TMEM50B: variants seen among roughly 807,000 people sequenced by gnomAD.
The protein encoded by TMEM50B is HCV p7-trans-regulated protein 3.
TMEM50B carries 14 observed loss-of-function variants against 23.4 expected under a neutral mutation model. The observed-to-expected ratio is 0.60, with a 90% CI of 0.39 to 0.93. TMEM50B has a LOEUF of 0.93. Among genes scored for constraint, TMEM50B ranks in the 40% least tolerant of loss-of-function variants. The probability of loss-of-function intolerance (pLI) is 0.00; values close to 1 mark genes in which losing one functional copy is unlikely to be tolerated. For synonymous variants in TMEM50B, 64 were observed against 62.3 expected (o/e 1.03, Z -0.13); for missense variants, 159 against 193.0 (o/e 0.82, Z 1.04).
rs559499528 is a variant in TMEM50B at position 33,473,711 on chromosome 21, G to A, written c.-41-4785C>T. Reference sequence around the variant, plus strand: ...ATTCTACTCCTATCTAACTACCCAAGAGAAATGAAAATATATCTTCACAAT... The same window carrying A: ...ATTCTACTCCTATCTAACTACCCAAAAGAAATGAAAATATATCTTCACAAT... On this transcript the variant is annotated intron_variant, in intron 1 of 6. Coordinates refer to ENST00000542230, the MANE Select transcript of TMEM50B (RefSeq NM_006134.7). Among the ~76,000 whole-genome samples, 3 of 150,052 alleles carry A rather than the reference G, an allele frequency of 2.0e-5. No homozygotes were observed. The East Asian group carries it at 5.8e-4, about 29-fold the overall frequency.
In TMEM50B at chr21:33,437,969, C is replaced by CG. The variant is rs564670454; in HGVS notation, c.*2120+1244dup. 2.1e-3 allele frequency among the ~76,000 whole-genome samples: 304 copies of CG among 142,738 alleles called. 2 individuals are homozygous for CG. The highest frequency in any genetic ancestry group is 3.5e-3 in the Non-Finnish European group (232 of 66,322). 93.6% of individuals were successfully genotyped at this position (142,738 alleles called of 152,430 possible). On this transcript the variant is annotated intron_variant and NMD_transcript_variant, in intron 8 of 8. Transcript: ENST00000420455. ...CTGCACTCCAGCGTGGGAGGCAGAG[C>CG]GAGACCCTATCTCAAAAAAAAAAAA... is the stretch of plus-strand genomic sequence containing the variant.
intron 1 of TMEM50B, among the ~76,000 whole-genome samples, chr21:33,472,230 A>G (rs1195223978): frequency 6.6e-6 from 1 of 151,370 alleles, no homozygotes; most frequent in Non-Finnish European, 1.5e-5. Flanking sequence ...AAAAATACAA[A>G]AACTTAGCTG....
At chr21:33,443,976 C>T (rs145378433) in intron 7 of TMEM50B, among the ~76,000 whole-genome samples, 1,686 of 152,292 alleles carry the variant, frequency 0.011, 32 homozygotes, top group African/African-American at 0.038. Context: ...TCTTGGCTCA[C>T]TGCAACTTCC....
chr21:33,473,302 A>T (rs557096339), intron 1 of TMEM50B, among the ~76,000 whole-genome samples: 1 of 151,726 alleles, frequency 6.6e-6, no homozygotes, highest in Non-Finnish European at 1.5e-5. Flanking sequence ...AAAATACAAA[A>T]ATTATCTGGG....
At chr21:33,445,558 G>A (rs2084045938), downstream of TMEM50B, among the ~76,000 whole-genome samples, 1 of 152,260 alleles carries the variant, frequency 6.6e-6, no homozygotes, top group African/African-American at 2.4e-5. Flanking sequence ...ACTTTGGGAG[G>A]CCAAGGCTGG....
At chr21:33,457,018 G>A (rs1329126775) in intron 5 of TMEM50B, among the ~76,000 whole-genome samples, 3 of 152,178 alleles carry the variant, frequency 2.0e-5, no homozygotes, top group Admixed American at 6.5e-5. Flanking sequence ...ACTTTGGGGG[G>A]CCGAGGCGGG....
chr21:33,468,515 T>C, intron 2 of TMEM50B: 1 of 369,466 alleles, frequency 2.7e-6, no homozygotes. Context: ...ATATATGTTG[T>C]ATCAGTAAGT....
intron 6 of TMEM50B, among the ~76,000 whole-genome samples, chr21:33,452,635 T>C (rs192903198): frequency 3.3e-5 from 5 of 152,278 alleles, no homozygotes; most frequent in Non-Finnish European, 7.4e-5. Context: ...GTCCTGCCTA[T>C]AACAAAGCTT....
chr21:33,455,578 A>G, intron 6 of TMEM50B, 149 bp downstream of exon 6: 1 of 693,922 alleles, frequency 1.4e-6, no homozygotes, highest in Non-Finnish European at 2.5e-6. Context: ...CTCTGCTCTT[A>G]TGTAACAGTG....
Position 33,440,580 on chromosome 21 carries a change from C to T in TMEM50B, c.*2037-1283G>A, listed in dbSNP as rs117932734. 9.1e-4 allele frequency among the ~76,000 whole-genome samples: 137 copies of T among 150,908 alleles called. 1 individual carries two copies. The East Asian group carries it at 0.022, about 24-fold the overall frequency. ...GCCTGGTGACAGAGCGAGACTCTGT[C>T]TCAAAAATAATAATAAAATAGGCCG... is the stretch of plus-strand genomic sequence containing the variant. On this transcript the variant is annotated intron_variant and NMD_transcript_variant, in intron 7 of 8. Coordinates refer to the TMEM50B transcript ENST00000420455.
intron 1 of TMEM50B, among the ~76,000 whole-genome samples, chr21:33,476,162 G>C (rs1442977940): frequency 6.6e-6 from 1 of 152,210 alleles, no homozygotes; most frequent in Non-Finnish European, 1.5e-5. Flanking sequence ...GGGAGGCCTA[G>C]GTGGGTGGAT....
Position 33,450,712 on chromosome 21 carries a change from A to C in TMEM50B, c.*106T>G. On this transcript the variant is annotated 3_prime_UTR_variant, in exon 7 of 7. Coordinates refer to ENST00000542230, the MANE Select transcript of TMEM50B (RefSeq NM_006134.7). The stretch of plus-strand genomic sequence containing the variant: ...AGAACATAAAAATGTAAAGAAACAA[A>C]ACATTTAATGTACAATCTACTCCAT... The C allele has an allele frequency of 1.2e-6, 1 of 838,394 alleles. No homozygotes were observed. Among genetic ancestry groups the C allele is most frequent in the Non-Finnish European group, 1.9e-6 (1 of 534,452 alleles). The allele number at this position is 838,394 out of a possible 1,614,324, so 51.9% of individuals were successfully genotyped here. A position where few individuals can be genotyped will look rare whatever the true frequency, so the allele number is the denominator to read the frequency against.
rs958539713 is a variant in TMEM50B, at chr21:33,460,485, T to C, written c.301A>G (p.Ile101Val). 2.5e-6 allele frequency: 4 copies of C among 1,611,080 alleles called. No homozygotes were observed. Among genetic ancestry groups the C allele is most frequent in the Non-Finnish European group, 2.5e-6 (3 of 1,179,066 alleles). The change falls in exon 5 of 7, where the codon ATT becomes GTT. Residue 101 changes from isoleucine to valine, a missense_variant. By Grantham distance (29) the Ile-to-Val change is conservative. Coordinates refer to ENST00000542230, the MANE Select transcript of TMEM50B (RefSeq NM_006134.7). The part of the protein sequence containing the change: ...GRTGARVWLF[I>V]GFMLMFGSLI... ...GACCCAAACATCAACATGAAACCAATGAAAAGCCAAACTCGAGCACCTGTG... is the reference window on the plus strand; with the variant it reads ...GACCCAAACATCAACATGAAACCAACGAAAAGCCAAACTCGAGCACCTGTG...
At chr21:33,472,876 C>T (rs1418576980) in intron 1 of TMEM50B, among the ~76,000 whole-genome samples, 2 of 129,526 alleles carry the variant, frequency 1.5e-5, no homozygotes, top group African/African-American at 5.7e-5. Context: ...AACTCCATCT[C>T]AAAAAAAAAA....
chr21:33,457,232 C>T (rs1265863373), intron 5 of TMEM50B, among the ~76,000 whole-genome samples: 1 of 150,774 alleles, frequency 6.6e-6, no homozygotes, highest in African/African-American at 2.4e-5. Context: ...CTAGCCTGGA[C>T]GACAGGGCGA....
intron 1 of TMEM50B, among the ~76,000 whole-genome samples, chr21:33,473,969 A>G (rs955556332): frequency 6.6e-6 from 1 of 152,208 alleles, no homozygotes; most frequent in African/African-American, 2.4e-5. Flanking sequence ...AACATCCAGA[A>G]TAGGCAAATC....
intron 2 of TMEM50B, among the ~76,000 whole-genome samples, chr21:33,467,394 C>G (rs751803978): frequency 6.6e-6 from 1 of 152,198 alleles, no homozygotes; most frequent in Non-Finnish European, 1.5e-5. Flanking sequence ...GAGGCCAACA[C>G]GCGCAAATCA....
At chr21:33,442,690 GCAGGCAGATC>G (rs2084018312) in intron 7 of TMEM50B, among the ~76,000 whole-genome samples, 1 of 152,122 alleles carries the variant, frequency 6.6e-6, no homozygotes, top group Non-Finnish European at 1.5e-5. Flanking sequence ...GGAGGCAGAG[GCAGGCAGATC>G]ACTTGAGGTC....
At chr21:33,443,596 T>C (rs1021766288) in intron 7 of TMEM50B, among the ~76,000 whole-genome samples, 1 of 152,214 alleles carries the variant, frequency 6.6e-6, no homozygotes, top group Non-Finnish European at 1.5e-5. Flanking sequence ...ATGCAACGTG[T>C]GACCATGGGC....
Sources: allele counts gnomAD v4.1 joint callset (sites outside exome capture counted in the v4.1 genomes callset), GRCh38; gene constraint gnomAD v4.1.1; transcripts MANE v1.5; gene names NCBI Gene and HGNC (gene_info 2026-07-23, HGNC 2026-07-21).